Variants in TBC1D15 observed in about 807,000 individuals in gnomAD.
The protein encoded by TBC1D15 is TBC1 domain family member 15, also known as GAP for RAB7.
In TBC1D15, 39 loss-of-function variants were observed where a neutral mutation model predicts 95.4. The ratio of observed to expected loss-of-function variants is 0.41; its 90% CI spans 0.32 to 0.53. TBC1D15 has a LOEUF of 0.53. Ranked by LOEUF, TBC1D15 falls within the 20% of genes least tolerant of loss-of-function variation. TBC1D15 has a pLI of 0.29. For synonymous variants in TBC1D15, 258 were observed against 261.3 expected (o/e 0.99, Z 0.12); for missense variants, 733 against 794.3 (o/e 0.92, Z 0.93).
intron 7 of TBC1D15, 132 bp from the exon 8 acceptor site, chr12:71,895,815 G>A: frequency 2.3e-6 from 2 of 856,776 alleles, no homozygotes; most frequent in South Asian, 2.6e-5. Context: ...CTAAACATGG[G>A]AAAATAAGGA....
At chr12:71,922,782 C>G (rs1592844959) in intron 16 of TBC1D15, among the ~76,000 whole-genome samples, 1 of 152,194 alleles carries the variant, frequency 6.6e-6, no homozygotes, top group East Asian at 1.9e-4. Context: ...TGGAAGATAT[C>G]CAAGAACCAC....
intron 5 of TBC1D15, among the ~76,000 whole-genome samples, chr12:71,887,165 G>T (rs1461608422): frequency 7.7e-6 from 1 of 130,450 alleles, no homozygotes; most frequent in Non-Finnish European, 1.6e-5. Context: ...CCGGATCATT[G>T]TATTAATCCC....
chr12:71,917,051 A>C (rs1221474385), intron 12 of TBC1D15, among the ~76,000 whole-genome samples: 1 of 152,104 alleles, frequency 6.6e-6, no homozygotes. Context: ...CTAATGAAAA[A>C]TTTACCGACA....
chr12:71,904,597 A>G (rs936424345), intron 10 of TBC1D15, among the ~76,000 whole-genome samples: 4 of 152,184 alleles, frequency 2.6e-5, no homozygotes, highest in African/African-American at 7.2e-5. Flanking sequence ...TGGGTAGTCA[A>G]TAGGGGATGG....
intron 1 of TBC1D15, among the ~76,000 whole-genome samples, chr12:71,848,203 C>T (rs1886821812): frequency 6.6e-6 from 1 of 152,034 alleles, no homozygotes; most frequent in Non-Finnish European, 1.5e-5. Flanking sequence ...GATTGGATAC[C>T]TGGGAATGGG....
At chr12:71,894,907 T>C in intron 7 of TBC1D15, 24 bp downstream of exon 7, 1 of 1,589,474 alleles carries the variant, frequency 6.3e-7, no homozygotes, top group Non-Finnish European at 8.6e-7. Flanking sequence ...AGTATTAATA[T>C]AGCTCTTATA....
chr12:71,882,730 G>T (rs1895458158), intron 4 of TBC1D15, among the ~76,000 whole-genome samples: 1 of 152,118 alleles, frequency 6.6e-6, no homozygotes, highest in Non-Finnish European at 1.5e-5. Context: ...GTTCATCTTT[G>T]ACTACTTACT....
At chr12:71,880,647 A>G (rs1426706073) in intron 4 of TBC1D15, 40 bp downstream of exon 4, 2 of 1,565,916 alleles carry the variant, frequency 1.3e-6, no homozygotes, top group Non-Finnish European at 1.7e-6. Flanking sequence ...CTGATTTGCT[A>G]CAGTATACTA....
intron 1 of TBC1D15, among the ~76,000 whole-genome samples, chr12:71,855,945 G>T (rs1003726172): frequency 5.4e-5 from 8 of 149,060 alleles, no homozygotes; most frequent in African/African-American, 7.4e-5. Context: ...GTTTTTTTTG[G>T]GGGGGGGTAT....
chr12:71,894,448 C>G lies in TBC1D15; in HGVS notation c.658-238C>G, dbSNP rs547264843. The G allele has an allele frequency of 1.1e-5, 16 of 1,428,350 alleles. No homozygotes were observed. In the East Asian group the frequency reaches 3.2e-4, roughly 29 times the overall value. 88.5% of individuals were successfully genotyped at this position (1,428,350 alleles called of 1,614,324 possible). The stretch of plus-strand genomic sequence containing the variant: ...GCAAATCATTTGTTTATCTGCAATT[C>G]AATCAGTAGCATTAACTTGTCATTT... On this transcript the variant is annotated intron_variant, in intron 6 of 16. Transcript: ENST00000485960.
At chr12:71,891,842 A>G (rs1378322321) in intron 5 of TBC1D15, among the ~76,000 whole-genome samples, 1 of 152,138 alleles carries the variant, frequency 6.6e-6, no homozygotes, top group Admixed American at 6.5e-5. Context: ...ATCTGAACCC[A>G]GATAGCTGAA....
chr12:71,867,329 A>G (rs1356467126), intron 1 of TBC1D15, among the ~76,000 whole-genome samples: 1 of 152,252 alleles, frequency 6.6e-6, no homozygotes, highest in Non-Finnish European at 1.5e-5. Context: ...GTGTCAGGAA[A>G]TCTGTGATTG....
chr12:71,893,179 A>G, intron 5 of TBC1D15, 43 bp from the exon 6 acceptor site: 1 of 1,176,072 alleles, frequency 8.5e-7, no homozygotes, highest in Non-Finnish European at 1.2e-6. Flanking sequence ...AGTAATTGAT[A>G]CAGTGTGTTA....
chr12:71,875,129 G>C (rs1893520240), intron 3 of TBC1D15, among the ~76,000 whole-genome samples: 1 of 152,040 alleles, frequency 6.6e-6, no homozygotes, highest in Admixed American at 6.6e-5. Flanking sequence ...TGTAGAGACA[G>C]GGTTTCAGCA....
At chr12:71,911,123 A>G (rs1280928340) in intron 11 of TBC1D15, among the ~76,000 whole-genome samples, 6 of 152,184 alleles carry the variant, frequency 3.9e-5, no homozygotes, top group East Asian at 1.9e-4. Context: ...TCAGGAAACA[A>G]CAGATGCTGG....
At chr12:71,869,138 G>GCTAT (rs1236124141) in intron 1 of TBC1D15, among the ~76,000 whole-genome samples, 6 of 152,110 alleles carry the variant, frequency 3.9e-5, no homozygotes, top group Non-Finnish European at 8.8e-5. Context: ...TTATTTAACT[G>GCTAT]GAGGATAGCA....
At position 71,850,227 on chromosome 12, in the gene TBC1D15, C is replaced by T. The variant is rs1211345591; in HGVS notation, c.30+10416C>T. 12 of 563,510 alleles carry T rather than the reference C, an allele frequency of 2.1e-5. 2 individuals carry two copies. Among genetic ancestry groups the T allele is most frequent in the Non-Finnish European group, 3.8e-5 (11 of 291,070 alleles). The allele number at this position is 563,510 out of a possible 1,614,324, so 34.9% of individuals were successfully genotyped here. On this transcript the variant is annotated intron_variant, in intron 1 of 16. Coordinates refer to ENST00000485960, the MANE Select transcript of TBC1D15 (RefSeq NM_001146213.3). ...CTTGAAGACCTAACTCTTGGTATAA[C>T]TCAGTTTTCTTCCTTTCAAAAGAAG...
chr12:71,897,907 A>C lies in TBC1D15; in HGVS notation c.1149A>C (p.Arg383Ser). 1.9e-6 allele frequency: 3 copies of C among 1,612,828 alleles called. No homozygotes were observed. The highest frequency in any genetic ancestry group is 2.5e-6 in the Non-Finnish European group (3 of 1,179,142). The change falls in exon 10 of 17, where the codon AGA (arginine) becomes AGC (serine). Residue 383 changes from arginine (R) to serine (S), a missense_variant. Transcript: ENST00000485960. ...WKSISQEQEKRNSRLRDYRSL... is the reference protein window; with the variant it reads ...WKSISQEQEKSNSRLRDYRSL... ...CCATCAGCCAGGAACAAGAGAAAAGAAATTCGAGGTTAAGAGATTATAGAA... is the reference window on the plus strand; with the variant it reads ...CCATCAGCCAGGAACAAGAGAAAAGCAATTCGAGGTTAAGAGATTATAGAA...
chr12:71,870,836 TC>T (rs1185663616), intron 1 of TBC1D15, among the ~76,000 whole-genome samples: 3 of 152,170 alleles, frequency 2.0e-5, no homozygotes, highest in African/African-American at 4.8e-5. Context: ...GTATAAGTGT[TC>T]CGTAAATGTT....
Sources: allele counts gnomAD v4.1 joint callset (sites outside exome capture counted in the v4.1 genomes callset), GRCh38; gene constraint gnomAD v4.1.1; transcripts MANE v1.5; gene names NCBI Gene and HGNC (gene_info 2026-07-23, HGNC 2026-07-21).